TRIM44: variants seen among roughly 807,000 people sequenced by gnomAD.
TRIM44 encodes the protein tripartite motif-containing protein 44.
In TRIM44, 13 loss-of-function variants were observed where a neutral mutation model predicts 37.4. The observed-to-expected ratio is 0.35, with a 90% CI of 0.23 to 0.55. TRIM44 has a LOEUF of 0.55. Among genes scored for constraint, TRIM44 ranks in the 20% least tolerant of loss-of-function variants. The probability of loss-of-function intolerance (pLI) is 0.89; values close to 1 mark genes in which losing one functional copy is unlikely to be tolerated. For synonymous variants in TRIM44, 175 were observed against 157.2 expected, an observed-to-expected ratio of 1.11 and a Z score of -0.85; for missense variants, 426 against 437.2, an observed-to-expected ratio of 0.97 and a Z score of 0.23.
At chr11:35,726,585 A>G (rs1852177891) in intron 3 of TRIM44, among the ~76,000 whole-genome samples, 1 of 152,114 alleles carries the variant, frequency 6.6e-6, no homozygotes, top group Non-Finnish European at 1.5e-5. Flanking sequence ...ACATAGTGAA[A>G]AGGTGTCTCA....
chr11:35,787,708 A>G (rs1480925260), intron 4 of TRIM44, among the ~76,000 whole-genome samples: 1 of 152,224 alleles, frequency 6.6e-6, no homozygotes, highest in African/African-American at 2.4e-5. Flanking sequence ...AAGTGTCTGT[A>G]CCCAGTTAGT....
chr11:35,780,378 C>T (rs1041972398), intron 4 of TRIM44, among the ~76,000 whole-genome samples: 2 of 152,204 alleles, frequency 1.3e-5, no homozygotes, highest in Admixed American at 6.5e-5. Flanking sequence ...CTCAGGACTT[C>T]AGAATTGGCT....
chr11:35,709,147 A>G (rs1851934204), intron 2 of TRIM44, among the ~76,000 whole-genome samples: 1 of 152,108 alleles, frequency 6.6e-6, no homozygotes. Flanking sequence ...AGATTAGCAG[A>G]TTTAATTTTT....
chr11:35,738,690 T>C (rs113875589), intron 4 of TRIM44, among the ~76,000 whole-genome samples: 127 of 152,284 alleles, frequency 8.3e-4, no homozygotes, highest in African/African-American at 2.9e-3. Flanking sequence ...ACAAGCCAAA[T>C]AGAGTTTTGT....
At chr11:35,782,425 A>G (rs1005174739) in intron 4 of TRIM44, among the ~76,000 whole-genome samples, 1 of 152,202 alleles carries the variant, frequency 6.6e-6, no homozygotes. Context: ...AAACTCTGGT[A>G]TCAGTAGAAT....
At chr11:35,701,757 G>C (rs1414334246) in intron 2 of TRIM44, among the ~76,000 whole-genome samples, 21 of 152,186 alleles carry the variant, frequency 1.4e-4, no homozygotes, top group Admixed American at 1.4e-3. Flanking sequence ...ATTCACTACA[G>C]CTTAAGACCA....
At chr11:35,777,418 CTG>C (rs1248245941) in intron 4 of TRIM44, among the ~76,000 whole-genome samples, 1 of 152,130 alleles carries the variant, frequency 6.6e-6, no homozygotes, top group Non-Finnish European at 1.5e-5. Context: ...GTTTGCCAGT[CTG>C]TGTCTTTTAA....
Position 35,815,741 on chromosome 11 carries a change from G to A in TRIM44, c.*9356G>A, listed in dbSNP as rs1479670671. ...AAGACGTGGAAGAATTAGGTCACCGGGGCATCTGCCATTGCATATGTTTAA... is the reference window on the plus strand; with the variant it reads ...AAGACGTGGAAGAATTAGGTCACCGAGGCATCTGCCATTGCATATGTTTAA... On this transcript the variant is annotated 3_prime_UTR_variant, in exon 5 of 5. Coordinates refer to ENST00000299413, the MANE Select transcript of TRIM44 (RefSeq NM_017583.6). 6.6e-6 allele frequency: 1 copy of A among 152,082 alleles called. No homozygotes were observed. The highest frequency in any genetic ancestry group is 1.9e-4 in the East Asian group (1 of 5,188). The allele number at this position is 152,082 out of a possible 1,614,324, so 9.4% of individuals were successfully genotyped here.
In TRIM44 at chr11:35,809,769, ATCTGGACTC is replaced by A. The variant is rs1159301289; in HGVS notation, c.*3388_*3396del. On this transcript the variant is annotated 3_prime_UTR_variant, in exon 5 of 5. Coordinates refer to ENST00000299413, the MANE Select transcript of TRIM44 (RefSeq NM_017583.6). ...GATGTGGCAATTCAAAGTCCAGTGA[ATCTGGACTC>A]TCTTACTGATTCCTGGTTTTAGTGT... The A allele has an allele frequency of 1.3e-5, 2 of 152,092 alleles. No individual in the cohort carries two copies. Among genetic ancestry groups the A allele is most frequent in the African/African-American group, 4.8e-5 (2 of 41,414 alleles). The allele number at this position is 152,092 out of a possible 1,614,324, so 9.4% of individuals were successfully genotyped here. A position where few individuals can be genotyped will look rare whatever the true frequency, so the allele number is the denominator to read the frequency against.
intron 4 of TRIM44, among the ~76,000 whole-genome samples, chr11:35,783,935 C>A (rs746244754): frequency 5.3e-5 from 8 of 152,176 alleles, no homozygotes; most frequent in Non-Finnish European, 1.0e-4. Context: ...TTATATACAG[C>A]CAGCAAAGGT....
At chr11:35,667,454 C>T (rs1851344745) in intron 1 of TRIM44, among the ~76,000 whole-genome samples, 1 of 152,188 alleles carries the variant, frequency 6.6e-6, no homozygotes, top group Non-Finnish European at 1.5e-5. Flanking sequence ...ACTGTAATCT[C>T]AAATTCCTGG....
chr11:35,734,428 A>G (rs971633402), intron 3 of TRIM44, among the ~76,000 whole-genome samples: 1 of 152,230 alleles, frequency 6.6e-6, no homozygotes, highest in Non-Finnish European at 1.5e-5. Context: ...CAGTAGAGTG[A>G]TAGGGTTAAG....
chr11:35,725,899 C>A (rs749929663), intron 2 of TRIM44, 25 bp from the exon 3 acceptor site: 1 of 1,609,292 alleles, frequency 6.2e-7, no homozygotes, highest in South Asian at 1.1e-5. Flanking sequence ...TCAACTTATT[C>A]TTCTTATTTG....
intron 4 of TRIM44, among the ~76,000 whole-genome samples, chr11:35,767,980 G>A (rs1420790880): frequency 1.3e-5 from 2 of 152,144 alleles, no homozygotes; most frequent in Admixed American, 6.6e-5. Flanking sequence ...CTAAAACCAC[G>A]GTTAGTTTGT....
chr11:35,740,034 G>A (rs1852372826), intron 4 of TRIM44, among the ~76,000 whole-genome samples: 1 of 149,682 alleles, frequency 6.7e-6, no homozygotes, highest in Non-Finnish European at 1.5e-5. Context: ...GGGAGTCAGA[G>A]GTTGCAGTGA....
At chr11:35,763,247 T>A (rs1254398949) in intron 4 of TRIM44, among the ~76,000 whole-genome samples, 7 of 151,826 alleles carry the variant, frequency 4.6e-5, no homozygotes. Context: ...TGATTTCAGA[T>A]GGAGAGAAAG....
At chr11:35,804,141 G>T (rs2133885090) in intron 4 of TRIM44, among the ~76,000 whole-genome samples, 1 of 152,230 alleles carries the variant, frequency 6.6e-6, no homozygotes, top group African/African-American at 2.4e-5. Context: ...CAAATATTTA[G>T]CAAATGAAGT....
intron 4 of TRIM44, among the ~76,000 whole-genome samples, chr11:35,763,154 G>C (rs1456847869): frequency 6.6e-6 from 1 of 152,152 alleles, no homozygotes; most frequent in Non-Finnish European, 1.5e-5. Context: ...TGTGGGAAAT[G>C]CTGGCAAAGG....
Position 35,770,783 on chromosome 11 carries a change from A to G in TRIM44, c.1007+35338A>G, listed in dbSNP as rs1852858143. On this transcript the variant is annotated intron_variant, in intron 4 of 4. Transcript: ENST00000299413. ...TGTAGGAGGGACCCAGTGGGAGATA[A>G]TTTGAATTATGGGGGCAGTTTCCCC... Among the ~76,000 whole-genome samples the G allele has an allele frequency of 2.0e-5, 3 of 152,072 alleles. No individual in the cohort carries two copies. The South Asian group carries it at 6.2e-4, about 32-fold the overall frequency.
Sources: allele counts gnomAD v4.1 joint callset (sites outside exome capture counted in the v4.1 genomes callset), GRCh38; gene constraint gnomAD v4.1.1; transcripts MANE v1.5; gene names NCBI Gene and HGNC (gene_info 2026-07-23, HGNC 2026-07-21).